Variants in LRRC4C observed in about 807,000 individuals in gnomAD.
LRRC4C encodes the protein leucine-rich repeat-containing protein 4C.
A neutral mutation model predicts 33.6 loss-of-function variants in LRRC4C; 5 were observed. The observed-to-expected ratio is 0.15, with a 90% CI of 0.08 to 0.31. The LOEUF (loss-of-function observed/expected upper bound fraction) is 0.31. Ranked by LOEUF, LRRC4C falls within the 10% of genes least tolerant of loss-of-function variation. LRRC4C has a pLI of 1.00. For synonymous variants in LRRC4C, 329 were observed against 302.0 expected (o/e 1.09, Z -0.93); for missense variants, 560 against 796.7 (o/e 0.70, Z 3.58).
chr11:40,282,488 A>T (rs1943547560), intron 4 of LRRC4C, among the ~76,000 whole-genome samples: 1 of 152,144 alleles, frequency 6.6e-6, no homozygotes, highest in South Asian at 2.1e-4. Context: ...TGTTGAAAGG[A>T]TTAAAAGAAA....
At chr11:41,082,663 G>A (rs1010134566) in intron 1 of LRRC4C, among the ~76,000 whole-genome samples, 9 of 152,092 alleles carry the variant, frequency 5.9e-5, no homozygotes, top group African/African-American at 1.7e-4. Context: ...AGCAATTTAC[G>A]CAGGTCTGTT....
chr11:40,392,359 T>C (rs1949370306), intron 3 of LRRC4C, among the ~76,000 whole-genome samples: 1 of 152,172 alleles, frequency 6.6e-6, no homozygotes. Flanking sequence ...TATTGTCACA[T>C]AAAACATGTA....
chr11:40,944,744 C>T (rs11604079), intron 1 of LRRC4C, among the ~76,000 whole-genome samples: 40,314 of 152,116 alleles, frequency 0.27, 5,545 homozygotes, highest in East Asian at 0.34. Context: ...CCAGGAAAGG[C>T]AATTTTGCAT....
intron 2 of LRRC4C, among the ~76,000 whole-genome samples, chr11:40,732,818 C>T (rs1947659288): frequency 6.6e-6 from 1 of 152,130 alleles, no homozygotes; most frequent in African/African-American, 2.4e-5. Context: ...ATGCCAAGTA[C>T]TTACTACTTT....
At chr11:40,658,105 A>T (rs78217893) in intron 2 of LRRC4C, among the ~76,000 whole-genome samples, 1 of 152,192 alleles carries the variant, frequency 6.6e-6, no homozygotes, top group Non-Finnish European at 1.5e-5. Flanking sequence ...AAAGAATGTT[A>T]TCTTATAGTA....
chr11:40,650,725 T>G (rs921408581), intron 2 of LRRC4C, among the ~76,000 whole-genome samples: 5 of 152,284 alleles, frequency 3.3e-5, no homozygotes, highest in African/African-American at 1.2e-4. Context: ...AAAAATAACT[T>G]CCTGTGCATC....
In LRRC4C at chr11:41,438,460, C is replaced by G. The variant is rs1054823668; in HGVS notation, c.-496+20971G>C. On this transcript the variant is annotated intron_variant, in intron 1 of 6. Transcript: ENST00000528697. ...TGAGATGGTGACCTTGTAGAAAGTC[C>G]TAGTTCAGTTAGTATGAGCAGAGAA... Among the ~76,000 whole-genome samples, 6 of 152,112 alleles carry G rather than the reference C, an allele frequency of 3.9e-5. No individual in the cohort carries two copies. In the South Asian group the frequency reaches 1.2e-3, roughly 32 times the overall value.
intron 2 of LRRC4C, among the ~76,000 whole-genome samples, chr11:40,700,397 C>A (rs1945810069): frequency 2.0e-5 from 3 of 152,068 alleles, no homozygotes; most frequent in African/African-American, 7.2e-5. Flanking sequence ...AATCTTAGCA[C>A]CCTATGGCAT....
At chr11:40,739,988 G>C (rs994012806) in intron 2 of LRRC4C, among the ~76,000 whole-genome samples, 3 of 151,138 alleles carry the variant, frequency 2.0e-5, no homozygotes, top group Non-Finnish European at 4.4e-5. Context: ...AAATATATAG[G>C]TATATATATT....
chr11:40,157,678 C>T (rs184096006), intron 5 of LRRC4C, among the ~76,000 whole-genome samples: 1 of 152,190 alleles, frequency 6.6e-6, no homozygotes, highest in East Asian at 1.9e-4. Context: ...CATTAATGAT[C>T]AGGGAAATGC....
chr11:41,147,138 A>G (rs1413398287), intron 1 of LRRC4C, among the ~76,000 whole-genome samples: 1 of 152,196 alleles, frequency 6.6e-6, no homozygotes, highest in African/African-American at 2.4e-5. Context: ...TTTTGTTGTT[A>G]AACCAAGATA....
intron 4 of LRRC4C, among the ~76,000 whole-genome samples, chr11:40,268,856 C>T (rs762905627): frequency 6.6e-6 from 1 of 152,076 alleles, no homozygotes; most frequent in Non-Finnish European, 1.5e-5. Context: ...TAAACTTCCT[C>T]AGGAGATCCT....
chr11:40,526,515 A>C (rs1175330503), intron 3 of LRRC4C, among the ~76,000 whole-genome samples: 1 of 152,160 alleles, frequency 6.6e-6, no homozygotes, highest in Non-Finnish European at 1.5e-5. Flanking sequence ...ATACAAATTG[A>C]AACTCAATGT....
At chr11:40,865,650 C>T (rs768209720) in intron 2 of LRRC4C, among the ~76,000 whole-genome samples, 7 of 151,706 alleles carry the variant, frequency 4.6e-5, no homozygotes, top group Non-Finnish European at 8.8e-5. Context: ...CCCAAAATCT[C>T]AACAGGTGGG....
At chr11:40,209,533 T>C (rs1863422228) in intron 5 of LRRC4C, among the ~76,000 whole-genome samples, 1 of 152,146 alleles carries the variant, frequency 6.6e-6, no homozygotes, top group Admixed American at 6.5e-5. Flanking sequence ...CGTTTGATCA[T>C]CTAACAAAAA....
intron 3 of LRRC4C, among the ~76,000 whole-genome samples, chr11:40,430,026 A>C (rs1262330342): frequency 6.6e-6 from 1 of 152,182 alleles, no homozygotes; most frequent in Non-Finnish European, 1.5e-5. Context: ...CTTTGCCTTC[A>C]CATTCAAGAC....
intron 2 of LRRC4C, among the ~76,000 whole-genome samples, chr11:40,765,033 AC>A (rs1443876324): frequency 6.6e-6 from 1 of 152,162 alleles, no homozygotes; most frequent in Non-Finnish European, 1.5e-5. Flanking sequence ...TCAGATACTG[AC>A]AAACATTCAC....
chr11:40,630,099 C>A lies in LRRC4C; in HGVS notation c.-270+18043G>T, dbSNP rs372064203. Among the ~76,000 whole-genome samples the A allele has an allele frequency of 2.6e-4, 39 of 152,054 alleles. 1 individual carries two copies. In the South Asian group the frequency reaches 7.5e-3, roughly 29 times the overall value. On this transcript the variant is annotated intron_variant, in intron 3 of 6. Coordinates refer to ENST00000528697, the MANE Select transcript of LRRC4C (RefSeq NM_001258419.2). ...GCAAGGCTTTATTATATGTTTTTAA[C>A]CTCAGTTGTAGACTTTGTGAATTTT...
intron 3 of LRRC4C, among the ~76,000 whole-genome samples, chr11:40,452,305 A>C (rs1019066374): frequency 9.9e-5 from 15 of 152,204 alleles, no homozygotes; most frequent in Non-Finnish European, 1.8e-4. Context: ...AATATCCAGA[A>C]TCTACAAAGA....
Sources: allele counts gnomAD v4.1 joint callset (sites outside exome capture counted in the v4.1 genomes callset), GRCh38; gene constraint gnomAD v4.1.1; transcripts MANE v1.5; gene names NCBI Gene and HGNC (gene_info 2026-07-23, HGNC 2026-07-21).